ARHGAP10: variants seen among roughly 807,000 people sequenced by gnomAD.
The protein encoded by ARHGAP10 is Rho GTPase activating protein 10, also known as rho GTPase-activating protein 10.
ARHGAP10 carries 87 observed loss-of-function variants against 108.6 expected under a neutral mutation model. The observed-to-expected ratio is 0.80, with a 90% CI of 0.67 to 0.96. ARHGAP10 has a LOEUF of 0.96. Among genes scored for constraint, ARHGAP10 ranks in the 40% least tolerant of loss-of-function variants. The probability of loss-of-function intolerance (pLI) is 0.00; values close to 1 mark genes in which losing one functional copy is unlikely to be tolerated. For synonymous variants in ARHGAP10, 347 were observed against 341.1 expected, an observed-to-expected ratio of 1.02 and a Z score of -0.19; for missense variants, 939 against 954.5, an observed-to-expected ratio of 0.98 and a Z score of 0.21.
chr4:147,778,943 G>A (rs987302049), intron 1 of ARHGAP10, among the ~76,000 whole-genome samples: 1 of 152,192 alleles, frequency 6.6e-6, no homozygotes, highest in Non-Finnish European at 1.5e-5. Context: ...CGGGGAGGAA[G>A]CTGTCCTGTG....
intron 13 of ARHGAP10, among the ~76,000 whole-genome samples, chr4:147,914,349 CATTTTT>C (rs964081013): frequency 4.6e-5 from 7 of 151,890 alleles, no homozygotes; most frequent in African/African-American, 7.3e-5. Context: ...TGCTGCGTTG[CATTTTT>C]ATTTTTATTT....
intron 18 of ARHGAP10, among the ~76,000 whole-genome samples, chr4:148,016,185 T>C (rs1741337540): frequency 6.6e-6 from 1 of 152,196 alleles, no homozygotes; most frequent in African/African-American, 2.4e-5. Flanking sequence ...CCAGTGAACA[T>C]GTTAGTAGAA....
At chr4:147,991,599 A>G (rs924821369) in intron 18 of ARHGAP10, among the ~76,000 whole-genome samples, 5 of 152,202 alleles carry the variant, frequency 3.3e-5, no homozygotes, top group African/African-American at 1.2e-4. Context: ...CCAGAAGGCG[A>G]GGAGGTATTC....
In ARHGAP10 at chr4:147,754,147, A is replaced by T. The variant is rs17023744; in HGVS notation, c.154+21692A>T. 9.6e-3 allele frequency among the ~76,000 whole-genome samples: 1,459 copies of T among 152,178 alleles called. 32 individuals are homozygous for T. Among genetic ancestry groups the T allele is most frequent in the African/African-American group, 0.033 (1,374 of 41,488 alleles). ...GAGTCAGTACCCATCTGGCTCCTGGAATGTTTGAGTTGGAAGTCCCAGAAG... is the reference window on the plus strand; with the variant it reads ...GAGTCAGTACCCATCTGGCTCCTGGTATGTTTGAGTTGGAAGTCCCAGAAG... On this transcript the variant is annotated intron_variant, in intron 1 of 22. Coordinates refer to ENST00000336498, the MANE Select transcript of ARHGAP10 (RefSeq NM_024605.4).
intron 3 of ARHGAP10, among the ~76,000 whole-genome samples, chr4:147,833,806 T>G (rs189514380): frequency 1.3e-5 from 2 of 152,162 alleles, no homozygotes; most frequent in East Asian, 3.8e-4. Flanking sequence ...TTCAATGATA[T>G]ATATATTAAG....
At chr4:147,857,490 C>T in intron 4 of ARHGAP10, 63 bp from the exon 5 acceptor site, 3 of 1,332,090 alleles carry the variant, frequency 2.3e-6, no homozygotes, top group Non-Finnish European at 3.0e-6. Flanking sequence ...TTGAGCTTCC[C>T]AGTGGATTAA....
chr4:147,909,093 G>C (rs1179872635), intron 11 of ARHGAP10, among the ~76,000 whole-genome samples: 1 of 152,178 alleles, frequency 6.6e-6, no homozygotes, highest in African/African-American at 2.4e-5. Flanking sequence ...GCTATAAATT[G>C]GGGGTTCCTG....
chr4:147,889,171 G>A (rs1432390635), intron 10 of ARHGAP10, among the ~76,000 whole-genome samples: 1 of 152,158 alleles, frequency 6.6e-6, no homozygotes, highest in African/African-American at 2.4e-5. Context: ...CTTTTCTTCT[G>A]CACCACACCG....
intron 10 of ARHGAP10, among the ~76,000 whole-genome samples, chr4:147,891,084 G>A (rs1473237684): frequency 6.6e-6 from 1 of 152,146 alleles, no homozygotes; most frequent in Non-Finnish European, 1.5e-5. Context: ...TTCAGAAAAC[G>A]AAACATAACA....
At chr4:147,979,147 A>G (rs940029497) in intron 18 of ARHGAP10, among the ~76,000 whole-genome samples, 3 of 152,076 alleles carry the variant, frequency 2.0e-5, no homozygotes, top group East Asian at 1.9e-4. Context: ...CTGGAAGAGT[A>G]TTTCCTAGGT....
At chr4:147,979,868 T>C (rs1739745183) in intron 18 of ARHGAP10, among the ~76,000 whole-genome samples, 1 of 152,212 alleles carries the variant, frequency 6.6e-6, no homozygotes, top group Admixed American at 6.5e-5. Flanking sequence ...TGTTGATTTT[T>C]ATCTGTTGAC....
chr4:147,743,102 C>T (rs1482197295), intron 1 of ARHGAP10, among the ~76,000 whole-genome samples: 3 of 150,804 alleles, frequency 2.0e-5, no homozygotes, highest in South Asian at 4.2e-4. Flanking sequence ...GGCATGATCT[C>T]GGCTCACTGC....
intron 13 of ARHGAP10, among the ~76,000 whole-genome samples, chr4:147,916,068 TAAAGAGATGG>T (rs1736971389): frequency 6.6e-6 from 1 of 152,146 alleles, no homozygotes; most frequent in Admixed American, 6.6e-5. Context: ...GGAAAACAGG[TAAAGAGATGG>T]AAATAGTTGG....
chr4:147,851,074 G>A (rs76558092), intron 4 of ARHGAP10, among the ~76,000 whole-genome samples: 3,809 of 152,174 alleles, frequency 0.025, 148 homozygotes, highest in African/African-American at 0.083. Flanking sequence ...GCAACTAACT[G>A]GATTGAGAAT....
chr4:147,899,959 T>C (rs958882057), intron 10 of ARHGAP10, among the ~76,000 whole-genome samples: 2 of 152,078 alleles, frequency 1.3e-5, no homozygotes, highest in Non-Finnish European at 2.9e-5. Context: ...AGTTTTGATA[T>C]CTGCTTCTTT....
chr4:147,908,348 T>C lies in ARHGAP10; in HGVS notation c.1117-1384T>C, dbSNP rs544929245. Among the ~76,000 whole-genome samples, 7 of 152,292 alleles carry C rather than the reference T, an allele frequency of 4.6e-5. No homozygotes were observed. In the South Asian group the frequency reaches 1.5e-3, roughly 32 times the overall value. On this transcript the variant is annotated intron_variant, in intron 11 of 22. Transcript: ENST00000336498. The stretch of plus-strand genomic sequence containing the variant: ...TTAAAATACAGAAAAAAAATAATGG[T>C]ACTTTGGAAAGTCAGTTTGCGTAGC...
chr4:147,866,691 T>C (rs376948532), intron 6 of ARHGAP10, 21 bp from the exon 7 acceptor site: 2 of 1,571,228 alleles, frequency 1.3e-6, no homozygotes, highest in African/African-American at 2.7e-5. Flanking sequence ...TGCTAATATC[T>C]CTTTTCTTCC....
chr4:147,791,641 G>T (rs778297335), intron 1 of ARHGAP10, among the ~76,000 whole-genome samples: 21 of 152,096 alleles, frequency 1.4e-4, no homozygotes, highest in Non-Finnish European at 2.8e-4. Context: ...CTGGAGTACA[G>T]TGGTGCAATC....
At chr4:147,779,957 G>A (rs931949630) in intron 1 of ARHGAP10, among the ~76,000 whole-genome samples, 6 of 152,092 alleles carry the variant, frequency 3.9e-5, no homozygotes, top group East Asian at 1.9e-4. Flanking sequence ...GAGTATGAGT[G>A]GGACAATGTC....
Sources: allele counts gnomAD v4.1 joint callset (sites outside exome capture counted in the v4.1 genomes callset), GRCh38; gene constraint gnomAD v4.1.1; transcripts MANE v1.5; gene names NCBI Gene and HGNC (gene_info 2026-07-23, HGNC 2026-07-21).